Variants in GSE1 observed in about 807,000 individuals in gnomAD.
The protein encoded by GSE1 is genetic suppressor element 1.
A neutral mutation model predicts 112.6 loss-of-function variants in GSE1; 32 were observed. The ratio of observed to expected loss-of-function variants is 0.28; its 90% confidence interval spans 0.21 to 0.38. The LOEUF (loss-of-function observed/expected upper bound fraction) is 0.38, where lower values mean the gene tolerates loss of function less well. Among genes scored for constraint, GSE1 ranks in the 10% least tolerant of loss-of-function variants. The pLI is 1.00. For missense variants in GSE1, 2,348 were observed against 1,699.2 expected (o/e 1.38, Z -6.71); for synonymous variants, 1,115 against 735.6 (o/e 1.52, Z -8.35).
chr16:85,207,837 T>C (rs947979305), intron 1 of GSE1: 4 of 152,116 alleles, frequency 2.6e-5, no homozygotes, highest in Non-Finnish European at 5.9e-5. Context: ...GCTGGGGATG[T>C]GACGAACAAA....
intron 2 of GSE1, among the ~76,000 whole-genome samples, chr16:85,417,427 T>C (rs1390478199): frequency 6.6e-6 from 1 of 152,252 alleles, no homozygotes; most frequent in Non-Finnish European, 1.5e-5. Flanking sequence ...GGCCTCTGTG[T>C]TCTCCCTGCA....
intron 1 of GSE1, among the ~76,000 whole-genome samples, chr16:85,280,212 G>A (rs971136914): frequency 6.6e-6 from 1 of 152,100 alleles, no homozygotes. Flanking sequence ...CCCAGGAGTC[G>A]GAGGTTTTGG....
chr16:85,197,721 G>C (rs1794589307), intron 1 of GSE1, among the ~76,000 whole-genome samples: 1 of 152,152 alleles, frequency 6.6e-6, no homozygotes, highest in South Asian at 2.1e-4. Flanking sequence ...TGTCACCTTA[G>C]AGCAAGCAAC....
At chr16:85,259,463 C>G (rs1299054072) in intron 1 of GSE1, among the ~76,000 whole-genome samples, 2 of 152,248 alleles carry the variant, frequency 1.3e-5, no homozygotes, top group Non-Finnish European at 2.9e-5. Context: ...GAATAAAGAC[C>G]GAAGTCACAG....
intron 1 of GSE1, among the ~76,000 whole-genome samples, chr16:85,336,759 G>A (rs2046495535): frequency 6.6e-6 from 1 of 152,030 alleles, no homozygotes; most frequent in Non-Finnish European, 1.5e-5. Flanking sequence ...CTGCCACCAC[G>A]CCCAGCCTTG....
chr16:85,534,423 A>G (rs529186273), intron 2 of GSE1, among the ~76,000 whole-genome samples: 2 of 152,192 alleles, frequency 1.3e-5, no homozygotes, highest in Admixed American at 6.5e-5. Context: ...CGCCCGGCCA[A>G]TTTCTTTTTT....
chr16:85,606,872 C>CT (rs1175636821), upstream of GSE1, among the ~76,000 whole-genome samples: 2 of 152,252 alleles, frequency 1.3e-5, no homozygotes, highest in Non-Finnish European at 2.9e-5. Context: ...CTCTGCCCCC[C>CT]ATCAAGGGTC....
At chr16:85,608,805 C>T (rs376602094), upstream of GSE1, among the ~76,000 whole-genome samples, 12 of 152,210 alleles carry the variant, frequency 7.9e-5, no homozygotes, top group East Asian at 1.5e-3. Flanking sequence ...ATCTTTACCT[C>T]CTGGCCCACG....
At chr16:85,220,734 C>G (rs1349752427) in intron 1 of GSE1, among the ~76,000 whole-genome samples, 1 of 152,190 alleles carries the variant, frequency 6.6e-6, no homozygotes, top group Non-Finnish European at 1.5e-5. Context: ...CTCTGCACCT[C>G]TGGTGTCTGC....
chr16:85,208,998 TGTGTTGGGGTTCGCTGC>T (rs1597804072), intron 1 of GSE1, among the ~76,000 whole-genome samples: 1 of 145,942 alleles, frequency 6.9e-6, no homozygotes, highest in South Asian at 2.2e-4. Context: ...GGGGTTCGCC[TGTGTTGGGGTTCGCTGC>T]GTGTTGGGGT....
intron 1 of GSE1, among the ~76,000 whole-genome samples, chr16:85,567,449 C>G (rs1350496161): frequency 6.6e-6 from 1 of 152,222 alleles, no homozygotes; most frequent in African/African-American, 2.4e-5. Flanking sequence ...AGGCTCCTCT[C>G]ACTCAGGCCT....
rs562601612 is a variant in GSE1, at chr16:85,286,969, C to T, written c.2284-70494C>T. On this transcript the variant is annotated intron_variant, in intron 1 of 2. Transcript: ENST00000637419. ...CAAAATGTGCTTCCACCCTGGAAAG[C>T]GTCGGGGGCCGCGGGCTCCAGCGGG... 4.5e-4 allele frequency among the ~76,000 whole-genome samples: 68 copies of T among 152,344 alleles called. No individual in the cohort carries two copies. The South Asian group carries it at 6.0e-3, about 13-fold the overall frequency.
At chr16:85,649,292 TG>T (rs2051138268) in intron 3 of GSE1, among the ~76,000 whole-genome samples, 1 of 151,782 alleles carries the variant, frequency 6.6e-6, no homozygotes. Context: ...TGGGCGGGGG[TG>T]GCAGTCCAGT....
At chr16:85,438,123 AG>A (rs1393599311) in intron 2 of GSE1, among the ~76,000 whole-genome samples, 1 of 152,128 alleles carries the variant, frequency 6.6e-6, no homozygotes, top group Non-Finnish European at 1.5e-5. Flanking sequence ...TCCCCCGGAT[AG>A]GATACTGTGT....
At chr16:85,660,751 C>G (rs561439465) in intron 8 of GSE1, among the ~76,000 whole-genome samples, 1 of 152,064 alleles carries the variant, frequency 6.6e-6, no homozygotes, top group Non-Finnish European at 1.5e-5. Context: ...CTGCCTCAGC[C>G]TCTGGAGTAG....
At chr16:85,583,760 C>T (rs996549953) in intron 1 of GSE1, among the ~76,000 whole-genome samples, 1 of 152,152 alleles carries the variant, frequency 6.6e-6, no homozygotes, top group Non-Finnish European at 1.5e-5. Flanking sequence ...GCCTCACCCG[C>T]CCCCCGTCCT....
chr16:85,492,743 C>T (rs538809154), intron 2 of GSE1, among the ~76,000 whole-genome samples: 9 of 146,426 alleles, frequency 6.1e-5, no homozygotes, highest in African/African-American at 7.8e-5. Flanking sequence ...GGGAGCCGTC[C>T]CTGGGGGATT....
chr16:85,651,382 C>T (rs1183552845), intron 3 of GSE1, among the ~76,000 whole-genome samples: 6 of 151,990 alleles, frequency 3.9e-5, no homozygotes, highest in Admixed American at 3.9e-4. Flanking sequence ...GCTCGCCGGG[C>T]CCCTGCCCCG....
chr16:85,376,437 G>A (rs770287185), intron 2 of GSE1, among the ~76,000 whole-genome samples: 5 of 152,276 alleles, frequency 3.3e-5, no homozygotes, highest in East Asian at 3.9e-4. Context: ...CGGTGGCTGC[G>A]CGGGCTGGTC....
Sources: allele counts gnomAD v4.1 joint callset (sites outside exome capture counted in the v4.1 genomes callset), GRCh38; gene constraint gnomAD v4.1.1; transcripts MANE v1.5; gene names NCBI Gene and HGNC (gene_info 2026-07-23, HGNC 2026-07-21).